Variants in SAMD8 observed in about 807,000 individuals in gnomAD.
SAMD8 encodes the protein sphingomyelin synthase-related protein 1.
In SAMD8, 20 loss-of-function variants were observed where a neutral mutation model predicts 42.0. The ratio of observed to expected loss-of-function variants is 0.48; its 90% CI spans 0.34 to 0.69. SAMD8 has a LOEUF of 0.69. SAMD8 is among the 30% of genes least tolerant of loss of function. The pLI is 0.01. For missense variants in SAMD8, 328 were observed against 511.6 expected, an observed-to-expected ratio of 0.64 and a Z score of 3.46; for synonymous variants, 162 against 173.0, an observed-to-expected ratio of 0.94 and a Z score of 0.50.
chr10:75,164,531 A>C, intron 2 of SAMD8, 114 bp from the exon 3 acceptor site: 1 of 1,455,884 alleles, frequency 6.9e-7, no homozygotes, highest in Non-Finnish European at 9.1e-7. Flanking sequence ...TCTGTAAGAG[A>C]TAAGTTATAT....
At chr10:75,126,440 A>G (rs1849137791) in intron 1 of SAMD8, among the ~76,000 whole-genome samples, 1 of 151,480 alleles carries the variant, frequency 6.6e-6, no homozygotes, top group African/African-American at 2.4e-5. Context: ...TACCCTTCAT[A>G]TAGTATGTGT....
At chr10:75,102,784 C>G (rs1023766787) in intron 1 of SAMD8, among the ~76,000 whole-genome samples, 8 of 152,056 alleles carry the variant, frequency 5.3e-5, no homozygotes, top group Non-Finnish European at 7.4e-5. Flanking sequence ...GAAAACCTGC[C>G]TCTACTAAAA....
chr10:75,111,389 T>C (rs1000507965), upstream of SAMD8: 1 of 685,848 alleles, frequency 1.5e-6, no homozygotes, highest in African/African-American at 1.9e-5. Flanking sequence ...AGCATCTCGG[T>C]TCTCCTCTCG....
At chr10:75,162,331 C>T (rs1218744239) in intron 2 of SAMD8, among the ~76,000 whole-genome samples, 1 of 152,082 alleles carries the variant, frequency 6.6e-6, no homozygotes, top group African/African-American at 2.4e-5. Flanking sequence ...TGCACTCCAG[C>T]CTGGGCGACA....
At chr10:75,124,730 GTCT>G (rs777168549) in intron 1 of SAMD8, among the ~76,000 whole-genome samples, 25 of 150,908 alleles carry the variant, frequency 1.7e-4, no homozygotes, top group Non-Finnish European at 2.5e-4. Context: ...CCTTCATTCT[GTCT>G]TCATGTCTGT....
At chr10:75,115,768 GTCTCTAC>G (rs1848866093) in intron 1 of SAMD8, among the ~76,000 whole-genome samples, 3 of 151,794 alleles carry the variant, frequency 2.0e-5, no homozygotes, top group African/African-American at 7.3e-5. Flanking sequence ...GTGAAACCCC[GTCTCTAC>G]TAAAAATACA....
rs1352644545 is a variant in SAMD8 at position 75,150,995 on chromosome 10, G to A, written c.467G>A (p.Cys156Tyr). 4.3e-6 allele frequency: 7 copies of A among 1,609,608 alleles called. No homozygotes were observed. Among genetic ancestry groups the A allele is most frequent in the Non-Finnish European group, 5.1e-6 (6 of 1,178,654 alleles). Residue 156 changes from cysteine (C) to tyrosine (Y), a missense_variant, in exon 2 of 6, where the codon TGT becomes TAT. Cys to Tyr is a radical substitution (Grantham distance 194). Transcript: ENST00000542569. ...GAATACTGGAAGACTATACTGAGTT[G>A]TATATATGTTTTTATAGTATTTGGA... ...DPEYWKTILS[C>Y]IYVFIVFGFT...
At position 75,105,888 on chromosome 10, in the gene SAMD8, G is replaced by A. The variant is rs565853085; in HGVS notation, c.-16+6160G>A. On this transcript the variant is annotated intron_variant, in intron 1 of 3. Coordinates refer to the SAMD8 transcript ENST00000447533. The stretch of plus-strand genomic sequence containing the variant: ...CCTTGGCTGAGGAAGACATCCTGGT[G>A]AAAAACCCTGTCCCACACACCGGCC... The A allele has an allele frequency of 8.3e-5, 128 of 1,543,952 alleles. No individual in the cohort carries two copies. In the East Asian group the frequency reaches 3.0e-3, roughly 37 times the overall value.
upstream of SAMD8, among the ~76,000 whole-genome samples, chr10:75,111,267 C>T (rs549888768): frequency 6.6e-6 from 1 of 152,222 alleles, no homozygotes; most frequent in Non-Finnish European, 1.5e-5. Context: ...TCCTTCTAGG[C>T]CCTAACCCCA....
chr10:75,126,667 ATT>A (rs1239460593), intron 1 of SAMD8, among the ~76,000 whole-genome samples: 7 of 143,444 alleles, frequency 4.9e-5, no homozygotes, highest in Non-Finnish European at 3.1e-5. Flanking sequence ...ACGCTGGCTA[ATT>A]TTTTTTTTTT....
rs1449713606 is a variant in SAMD8 at position 75,179,356 on chromosome 10, A to G, written c.*2664A>G. The G allele has an allele frequency of 6.6e-6, 1 of 152,230 alleles. No individual in the cohort carries two copies. Among genetic ancestry groups the G allele is most frequent in the African/African-American group, 2.4e-5 (1 of 41,452 alleles). The allele number at this position is 152,230 out of a possible 1,614,324, so 9.4% of individuals were successfully genotyped here. A position where few individuals can be genotyped will look rare whatever the true frequency, so the allele number is the denominator to read the frequency against. ...AGTGAGACCCTGCCTCAATCAATCAATCAATCAATAACAAAAACTTAAATA... is the reference window on the plus strand; with the variant it reads ...AGTGAGACCCTGCCTCAATCAATCAGTCAATCAATAACAAAAACTTAAATA... On this transcript the variant is annotated 3_prime_UTR_variant, in exon 6 of 6. Coordinates refer to ENST00000542569, the MANE Select transcript of SAMD8 (RefSeq NM_001174156.2).
At chr10:75,169,892 A>G (rs1339553597) in intron 4 of SAMD8, among the ~76,000 whole-genome samples, 1 of 152,208 alleles carries the variant, frequency 6.6e-6, no homozygotes, top group Admixed American at 6.5e-5. Flanking sequence ...CTGGGCAACA[A>G]GAGTGAATCT....
At chr10:75,108,239 C>A, upstream of SAMD8, 1 of 1,566,652 alleles carries the variant, frequency 6.4e-7, no homozygotes, top group Non-Finnish European at 8.6e-7. Context: ...CACTTGATGC[C>A]GGCCAAGCCA....
Position 75,170,670 on chromosome 10 carries a change from C to A in SAMD8, c.792+2012C>A, listed in dbSNP as rs536773625. Among the ~76,000 whole-genome samples the A allele has an allele frequency of 4.0e-5, 6 of 150,408 alleles. No homozygotes were observed. In the East Asian group the frequency reaches 1.2e-3, roughly 29 times the overall value. The stretch of plus-strand genomic sequence containing the variant: ...TTAAAAAGTAAAAATTCACCTGATT[C>A]TTTTTTACCACACCCTATAAATAAT... On this transcript the variant is annotated intron_variant, in intron 4 of 5. Transcript: ENST00000542569.
intron 4 of SAMD8, among the ~76,000 whole-genome samples, chr10:75,175,186 A>G (rs146014851): frequency 6.6e-6 from 1 of 152,272 alleles, no homozygotes; most frequent in East Asian, 1.9e-4. Context: ...CTTCCCAGAA[A>G]CCCTTAACAC....
At chr10:75,153,955 C>G (rs980091616) in intron 2 of SAMD8, among the ~76,000 whole-genome samples, 12 of 152,046 alleles carry the variant, frequency 7.9e-5, no homozygotes, top group Non-Finnish European at 1.5e-5. Context: ...TTAGTAGAGA[C>G]AAGGTTTCAC....
intron 1 of SAMD8, among the ~76,000 whole-genome samples, chr10:75,122,590 A>G (rs1474530246): frequency 6.6e-6 from 1 of 150,398 alleles, no homozygotes; most frequent in African/African-American, 2.5e-5. Context: ...TCCAGACTGA[A>G]TGATAGACGG....
intron 1 of SAMD8, among the ~76,000 whole-genome samples, chr10:75,124,672 C>T (rs1290930947): frequency 6.8e-6 from 1 of 146,366 alleles, no homozygotes; most frequent in African/African-American, 2.4e-5. Context: ...GGTACACATA[C>T]TGAAGAGTAG....
At chr10:75,148,164 T>G (rs1245054258) in intron 1 of SAMD8, among the ~76,000 whole-genome samples, 1 of 152,154 alleles carries the variant, frequency 6.6e-6, no homozygotes, top group Non-Finnish European at 1.5e-5. Flanking sequence ...TACTTAATGT[T>G]TAACTGACAC....
Sources: gnomAD v4.1 joint callset for allele counts (sites outside exome capture counted in the v4.1 genomes callset) on GRCh38, gnomAD v4.1.1 for gene constraint, MANE v1.5 for transcripts, NCBI Gene and HGNC (gene_info 2026-07-23, HGNC 2026-07-21) for gene names.